The following STX3 variants were observed in gnomAD, a reference collection of about 807,000 sequenced individuals.
STX3 encodes the protein syntaxin 3, also known as syntaxin-3.
A neutral mutation model predicts 40.2 loss-of-function variants in STX3; 19 were observed. That is an observed-to-expected ratio of 0.47 (90% confidence interval 0.33 to 0.69). STX3 has a LOEUF of 0.69. Among genes scored for constraint, STX3 ranks in the 30% least tolerant of loss-of-function variants. The pLI is 0.02. For synonymous variants in STX3, 122 were observed against 132.2 expected (o/e 0.92, Z 0.53); for missense variants, 364 against 366.7 (o/e 0.99, Z 0.06).
intron 2 of STX3, among the ~76,000 whole-genome samples, chr11:59,784,289 T>G (rs1864615820): frequency 6.6e-6 from 1 of 152,228 alleles, no homozygotes; most frequent in Non-Finnish European, 1.5e-5. Flanking sequence ...AATTTAAAAT[T>G]TGATAAACTC....
chr11:59,757,120 G>A (rs923826420), intron 1 of STX3, among the ~76,000 whole-genome samples: 20 of 152,088 alleles, frequency 1.3e-4, no homozygotes, highest in African/African-American at 4.8e-4. Context: ...AGAATTTATT[G>A]CCCCTGTTTT....
chr11:59,755,720 AG>A, intron 1 of STX3, 85 bp downstream of exon 1: 6 of 1,434,928 alleles, frequency 4.2e-6, no homozygotes, highest in African/African-American at 1.5e-5. Flanking sequence ...TCGAGGCTGG[AG>A]GGGGGCCCGA....
At chr11:59,787,736 C>T (rs955965605) in intron 3 of STX3, among the ~76,000 whole-genome samples, 5 of 152,168 alleles carry the variant, frequency 3.3e-5, no homozygotes, top group South Asian at 2.1e-4. Context: ...ATAGCTGAAG[C>T]GCTGAAAGAA....
chr11:59,781,100 T>TTTTTTTTTTTTTTTTTTATATA (rs963410109), intron 2 of STX3, among the ~76,000 whole-genome samples: 7 of 146,298 alleles, frequency 4.8e-5, no homozygotes, highest in African/African-American at 1.0e-4. Context: ...TTTTTTTTTT[T>TTTTTTTTTTTTTTTTTTATATA]TATATTAGCA....
upstream of STX3, chr11:59,755,336 C>T (rs1188004339): frequency 1.0e-5 from 3 of 295,920 alleles, no homozygotes; most frequent in Non-Finnish European, 1.8e-5. Context: ...GGGGCGGGTC[C>T]AGGGCGGATC....
intron 2 of STX3, among the ~76,000 whole-genome samples, chr11:59,775,505 C>T (rs1359651067): frequency 6.6e-6 from 1 of 152,208 alleles, no homozygotes; most frequent in Non-Finnish European, 1.5e-5. Flanking sequence ...CAGAGGGTCC[C>T]TGAGAGGACC....
chr11:59,757,518 C>T (rs886759638), intron 1 of STX3, among the ~76,000 whole-genome samples: 6 of 152,178 alleles, frequency 3.9e-5, no homozygotes, highest in Admixed American at 3.3e-4. Context: ...TTTGCCTCTC[C>T]TCGGTGCCTC....
intron 2 of STX3, 150 bp from the exon 3 acceptor site, chr11:59,786,887 C>G: frequency 1.6e-6 from 1 of 637,422 alleles, no homozygotes; most frequent in South Asian, 2.0e-5. Flanking sequence ...AAAGGGTACT[C>G]ACTGGGCAGC....
chr11:59,799,993 TGTG>T, intron 10 of STX3: 1 of 985,478 alleles, frequency 1.0e-6, no homozygotes, highest in Non-Finnish European at 1.2e-6. Flanking sequence ...TATGCAAATT[TGTG>T]GTGCCCCTTT....
At position 59,787,025 on chromosome 11, in the gene STX3, T is replaced by C. The variant is rs1157188003; in HGVS notation, c.115-12T>C. On this transcript the variant is annotated splice_polypyrimidine_tract_variant and intron_variant, in intron 2 of 10. Coordinates refer to ENST00000337979, the MANE Select transcript of STX3 (RefSeq NM_004177.5). Reference sequence around the variant, plus strand: ...TCTTTGATGATGAAGGTTATTGTCTTTCTGATTATAGATTGAGGAAACTCG... The same window carrying C: ...TCTTTGATGATGAAGGTTATTGTCTCTCTGATTATAGATTGAGGAAACTCG... The C allele has an allele frequency of 3.1e-6, 5 of 1,611,490 alleles. No individual in the cohort carries two copies. Among genetic ancestry groups the C allele is most frequent in the Non-Finnish European group, 4.2e-6 (5 of 1,177,784 alleles).
At chr11:59,768,131 G>T (rs147335322) in intron 1 of STX3, among the ~76,000 whole-genome samples, 10 of 152,176 alleles carry the variant, frequency 6.6e-5, no homozygotes, top group African/African-American at 2.2e-4. Flanking sequence ...GAAGAAGGAG[G>T]CAGGGAAGAG....
rs1565199633 is a variant in STX3 at position 59,805,188 on chromosome 11, A to AC, written c.*4364_*4365insC. Reference sequence around the variant, plus strand: ...GCTAAATTCCATCTAAAAAAAAAAAAAAAACAAAAAAAAAAAACTGTTCTT... The same window carrying AC: ...GCTAAATTCCATCTAAAAAAAAAAAACAAAACAAAAAAAAAAAACTGTTCTT... On this transcript the variant is annotated 3_prime_UTR_variant, in exon 11 of 11. Transcript: ENST00000337979. 1.5e-4 allele frequency: 23 copies of AC among 149,980 alleles called. No individual in the cohort carries two copies. The highest frequency in any genetic ancestry group is 4.3e-4 in the African/African-American group (17 of 39,938). The allele number at this position is 149,980 out of a possible 1,614,324, so 9.3% of individuals were successfully genotyped here. A position where few individuals can be genotyped will look rare whatever the true frequency, so the allele number is the denominator to read the frequency against.
chr11:59,788,193 T>G (rs1177771323), intron 3 of STX3, among the ~76,000 whole-genome samples: 1 of 152,218 alleles, frequency 6.6e-6, no homozygotes, highest in East Asian at 1.9e-4. Context: ...TAGAGGCTTT[T>G]CCAGATCCCT....
At chr11:59,782,949 A>C (rs1250675240) in intron 2 of STX3, among the ~76,000 whole-genome samples, 1 of 152,058 alleles carries the variant, frequency 6.6e-6, no homozygotes, top group African/African-American at 2.4e-5. Context: ...CAGTGAGCCA[A>C]GATCATGCCA....
intron 5 of STX3, among the ~76,000 whole-genome samples, chr11:59,791,521 C>A (rs1865159521): frequency 6.6e-6 from 1 of 152,032 alleles, no homozygotes; most frequent in African/African-American, 2.4e-5. Context: ...GGGTTTTGGT[C>A]TAAATTTGTA....
At chr11:59,799,912 T>C (rs1865775198) in intron 10 of STX3, 2 of 985,264 alleles carry the variant, frequency 2.0e-6, no homozygotes, top group South Asian at 4.7e-5. Context: ...AACAATCTGA[T>C]TGAAATAGAT....
At chr11:59,756,620 C>T (rs76068108) in intron 1 of STX3, among the ~76,000 whole-genome samples, 6,978 of 152,234 alleles carry the variant, frequency 0.046, 210 homozygotes, top group African/African-American at 0.058. Context: ...ATTATTCATC[C>T]ATTTCCCCAG....
At position 59,801,667 on chromosome 11, in the gene STX3, C is replaced by T; in HGVS notation, c.*843C>T. On this transcript the variant is annotated 3_prime_UTR_variant, in exon 11 of 11. Coordinates refer to ENST00000337979, the MANE Select transcript of STX3 (RefSeq NM_004177.5). ...CAGGGATTTTAAATTGGGCAAGGGA[C>T]AAGGTGCTAGAATCCTAAGCTCTGG... 1.0e-6 allele frequency: 1 copy of T among 985,656 alleles called. No homozygotes were observed. Among genetic ancestry groups the T allele is most frequent in the Non-Finnish European group, 1.2e-6 (1 of 829,934 alleles). The allele number at this position is 985,656 out of a possible 1,614,324, so 61.1% of individuals were successfully genotyped here.
Position 59,773,310 on chromosome 11 carries a change from G to T in STX3, c.114+16G>T. On this transcript the variant is annotated intron_variant, in intron 2 of 10. Coordinates refer to ENST00000337979, the MANE Select transcript of STX3 (RefSeq NM_004177.5). ...CTTTTCTGAGGTAGGCAACCTTCCT[G>T]TATTTTTTTCTAAATGTACATAAGG... The T allele has an allele frequency of 6.2e-7, 1 of 1,612,980 alleles. No homozygotes were observed. Among genetic ancestry groups the T allele is most frequent in the Admixed American group, 1.7e-5 (1 of 59,914 alleles).
Sources: gnomAD v4.1 joint callset for allele counts (sites outside exome capture counted in the v4.1 genomes callset) on GRCh38, gnomAD v4.1.1 for gene constraint, MANE v1.5 for transcripts, NCBI Gene and HGNC (gene_info 2026-07-23, HGNC 2026-07-21) for gene names.